The following PIEZO2 variants were observed in gnomAD, a reference collection of about 807,000 sequenced individuals.
PIEZO2 encodes piezo-type mechanosensitive ion channel component 2.
In PIEZO2, 172 loss-of-function variants were observed where a neutral mutation model predicts 337.3. That is an observed-to-expected ratio of 0.51 (90% confidence interval 0.45 to 0.58). The LOEUF is 0.58. Among genes scored for constraint, PIEZO2 ranks in the 20% least tolerant of loss-of-function variants. PIEZO2 has a pLI of 0.00. For synonymous variants in PIEZO2, 1,251 were observed against 1,228.5 expected (o/e 1.02, Z -0.38); for missense variants, 3,028 against 3,391.3 (o/e 0.89, Z 2.66).
At position 11,031,303 on chromosome 18, in the gene PIEZO2, AT is replaced by A. The variant is rs939069261; in HGVS notation, c.160+34823del. 2.8e-4 allele frequency among the ~76,000 whole-genome samples: 43 copies of A among 151,074 alleles called. No homozygotes were observed. Among genetic ancestry groups the A allele is most frequent in the African/African-American group, 9.2e-4 (38 of 41,170 alleles). Reference sequence around the variant, plus strand: ...CGTGAGCCACTGCGCCTGGCCTGGAATTTTTTTTTAATAAGCCCATCAGGAC... The same window carrying A: ...CGTGAGCCACTGCGCCTGGCCTGGAATTTTTTTTAATAAGCCCATCAGGAC... On this transcript the variant is annotated intron_variant, in intron 2 of 55. Transcript: ENST00000674853. This position sits in a 1 kb window ranked among gnomAD's most constrained non-coding sequence, Gnocchi z 4.7.
chr18:10,825,048 G>A (rs1353887992), intron 7 of PIEZO2, among the ~76,000 whole-genome samples: 2 of 152,080 alleles, frequency 1.3e-5, no homozygotes, highest in African/African-American at 4.8e-5. Context: ...ATGTTTCATA[G>A]AGATGGGGTT....
chr18:10,873,760 T>C (rs999271969), intron 4 of PIEZO2, among the ~76,000 whole-genome samples: 4 of 152,076 alleles, frequency 2.6e-5, no homozygotes, highest in Admixed American at 6.6e-5. Context: ...TCTAATCAGA[T>C]TTGCTTTAAA....
At chr18:10,797,588 G>A (rs2039658334) in intron 11 of PIEZO2, 66 bp from the exon 12 acceptor site, 2 of 1,522,474 alleles carry the variant, frequency 1.3e-6, no homozygotes, top group South Asian at 1.2e-5. Flanking sequence ...AATGTTCCAA[G>A]CAATGCAGCA....
rs2033946575 is a variant in PIEZO2 at position 10,675,285 on chromosome 18, G to A, written c.8085C>T (p.Thr2695=). Residue 2695 remains threonine, a synonymous_variant, in exon 54 of 56, where the codon ACC becomes ACT. Coordinates refer to ENST00000674853, the MANE Select transcript of PIEZO2 (RefSeq NM_001378183.1). ...CATAATATGGATAAATCTTTTCTAT[G>A]GTCCTGTACATTAAGAAAAAAAAGA... is the stretch of plus-strand genomic sequence containing the variant. ...NSTESSKTPV[T]IEKIYPYYVK... 1.4e-6 allele frequency: 2 copies of A among 1,473,114 alleles called. No homozygotes were observed. Among genetic ancestry groups the A allele is most frequent in the East Asian group, 2.4e-5 (1 of 41,206 alleles). The allele number at this position is 1,473,114 out of a possible 1,614,324, so 91.3% of individuals were successfully genotyped here.
chr18:10,785,086 A>T, intron 16 of PIEZO2, 129 bp from the exon 17 acceptor site: 1 of 913,184 alleles, frequency 1.1e-6, no homozygotes, highest in East Asian at 2.8e-5. Flanking sequence ...CCTCTCTCCC[A>T]TATGGTCCAA....
Position 11,077,093 on chromosome 18 carries a change from T to C in PIEZO2, c.65-10871A>G, listed in dbSNP as rs1045716060. ...ATTTCTTAAACTATCAGACAAATTA[T>C]ACTTGAAATTAGACCTATTTCATTA... is the stretch of plus-strand genomic sequence containing the variant. On this transcript the variant is annotated intron_variant, in intron 1 of 55. Transcript: ENST00000674853. This position sits in a 1 kb window ranked among gnomAD's most constrained non-coding sequence, Gnocchi z 4.8. Among the ~76,000 whole-genome samples the C allele has an allele frequency of 5.3e-5, 8 of 152,236 alleles. No homozygotes were observed. The highest frequency in any genetic ancestry group is 1.9e-4 in the African/African-American group (8 of 41,470).
At position 11,031,166 on chromosome 18, in the gene PIEZO2, A is replaced by ATTT. The variant is rs35909559; in HGVS notation, c.160+34958_160+34960dup. On this transcript the variant is annotated intron_variant, in intron 2 of 55. Coordinates refer to ENST00000674853, the MANE Select transcript of PIEZO2 (RefSeq NM_001378183.1). The surrounding 1 kb of genome is among the most constrained non-coding windows in gnomAD (Gnocchi z 4.7). The stretch of plus-strand genomic sequence containing the variant: ...CACCATGCCTGGCTAATTTTTTTGT[A>ATTT]TTTTTTTTTTTTTTAGTGGAGATGG... Among the ~76,000 whole-genome samples, 1 of 140,286 alleles carries ATTT rather than the reference A, an allele frequency of 7.1e-6. No individual in the cohort carries two copies. The highest frequency in any genetic ancestry group is 2.6e-5 in the African/African-American group (1 of 38,256). 92.0% of individuals were successfully genotyped at this position (140,286 alleles called of 152,430 possible). A position where few individuals can be genotyped will look rare whatever the true frequency, so the allele number is the denominator to read the frequency against.
intron 2 of PIEZO2, among the ~76,000 whole-genome samples, chr18:11,004,302 T>C (rs2035647026): frequency 6.6e-6 from 1 of 152,152 alleles, no homozygotes; most frequent in Non-Finnish European, 1.5e-5. Flanking sequence ...AGACACAACT[T>C]CCAAATTTCC....
chr18:10,694,382 T>A (rs1015687696), intron 47 of PIEZO2, among the ~76,000 whole-genome samples: 6 of 152,194 alleles, frequency 3.9e-5, no homozygotes, highest in African/African-American at 7.2e-5. Context: ...CCATTTTTTT[T>A]ATTACTTTCT....
chr18:10,784,735 GA>G lies in PIEZO2; in HGVS notation c.2492+48del, dbSNP rs3830641. On this transcript the variant is annotated intron_variant, in intron 17 of 55. Transcript: ENST00000674853. This position sits in a 1 kb window ranked among gnomAD's most constrained non-coding sequence, Gnocchi z 4.5. ...GTGGCCAACCTAAGGTAGGGTTGAA[GA>G]GCTGCCTTCCTGCTAATAAGAGGTC... 0.86 allele frequency: 1,251,918 copies of G among 1,449,830 alleles called. 541,734 individuals carry two copies. Among genetic ancestry groups the G allele is most frequent in the East Asian group, 0.93 (37,185 of 39,828 alleles). 89.8% of individuals were successfully genotyped at this position (1,449,830 alleles called of 1,614,324 possible). A position where few individuals can be genotyped will look rare whatever the true frequency, so the allele number is the denominator to read the frequency against.
At position 11,009,373 on chromosome 18, in the gene PIEZO2, C is replaced by T. The variant is rs1027612296; in HGVS notation, c.161-29713G>A. 1.8e-4 allele frequency among the ~76,000 whole-genome samples: 28 copies of T among 152,052 alleles called. No homozygotes were observed. Among genetic ancestry groups the T allele is most frequent in the Admixed American group, 5.2e-4 (8 of 15,256 alleles). On this transcript the variant is annotated intron_variant, in intron 2 of 55. Coordinates refer to ENST00000674853, the MANE Select transcript of PIEZO2 (RefSeq NM_001378183.1). The surrounding 1 kb of genome is among the most constrained non-coding windows in gnomAD (Gnocchi z 4.6). ...TGACCTCATTTTTCTGGGGTGGGGG[C>T]GAGATCATGGGTACACTGTAAAAGC...
intron 4 of PIEZO2, among the ~76,000 whole-genome samples, chr18:10,874,388 A>G (rs1019506920): frequency 2.0e-5 from 3 of 152,180 alleles, no homozygotes; most frequent in African/African-American, 7.2e-5. Context: ...TGTAGCTACT[A>G]TAGAAAACAG....
At chr18:11,140,645 G>A (rs1321379159) in intron 1 of PIEZO2, among the ~76,000 whole-genome samples, 2 of 112,448 alleles carry the variant, frequency 1.8e-5, no homozygotes, top group African/African-American at 6.8e-5. Context: ...AAATGTCAGT[G>A]GTGTCTGCAA....
intron 3 of PIEZO2, among the ~76,000 whole-genome samples, chr18:10,971,624 A>G (rs569028927): frequency 6.6e-6 from 1 of 152,276 alleles, no homozygotes; most frequent in Admixed American, 6.5e-5. Flanking sequence ...CTAAAGGCCA[A>G]TATCATTTAC....
intron 2 of PIEZO2, among the ~76,000 whole-genome samples, chr18:11,000,937 T>C (rs2035510899): frequency 6.6e-6 from 1 of 152,148 alleles, no homozygotes; most frequent in South Asian, 2.1e-4. Context: ...TGAGCCTCTG[T>C]ACCCAAGCCC....
chr18:11,076,297 A>T (rs1204918561), intron 1 of PIEZO2, among the ~76,000 whole-genome samples: 4 of 152,212 alleles, frequency 2.6e-5, no homozygotes, highest in Non-Finnish European at 5.9e-5. Flanking sequence ...ATTTAAAACA[A>T]TGTGATTTTA....
chr18:10,700,673 CCAT>C (rs2143730428), intron 43 of PIEZO2, among the ~76,000 whole-genome samples: 1 of 152,062 alleles, frequency 6.6e-6, no homozygotes, highest in South Asian at 2.1e-4. Context: ...CAAAATTATA[CCAT>C]CAAGTATTAA....
chr18:10,683,285 A>G (rs140686124), intron 49 of PIEZO2, among the ~76,000 whole-genome samples: 644 of 152,378 alleles, frequency 4.2e-3, no homozygotes, highest in Non-Finnish European at 7.8e-3. Context: ...TCAGTACAGG[A>G]CATGACTACA....
chr18:10,679,768 G>A (rs890053844), intron 52 of PIEZO2, among the ~76,000 whole-genome samples: 1 of 152,198 alleles, frequency 6.6e-6, no homozygotes, highest in Non-Finnish European at 1.5e-5. Context: ...TAATAGTGCT[G>A]TAAGTGATGC....
Sources: gnomAD v4.1 joint callset for allele counts (sites outside exome capture counted in the v4.1 genomes callset) on GRCh38, gnomAD v4.1.1 for gene constraint, Gnocchi (gnomAD v3.1) non-coding constraint, MANE v1.5 for transcripts, NCBI Gene and HGNC (gene_info 2026-07-23, HGNC 2026-07-21) for gene names.